PTPRD: variants seen among roughly 807,000 people sequenced by gnomAD.
PTPRD encodes receptor-type tyrosine-protein phosphatase delta.
PTPRD carries 34 observed loss-of-function variants against 214.5 expected under a neutral mutation model. The ratio of observed to expected loss-of-function variants is 0.16; its 90% CI spans 0.12 to 0.21. The LOEUF (loss-of-function observed/expected upper bound fraction) is 0.21, where lower values mean the gene tolerates loss of function less well. Ranked by LOEUF, PTPRD falls within the 10% of genes least tolerant of loss-of-function variation. The probability of loss-of-function intolerance (pLI) is 1.00; values close to 1 mark genes in which losing one functional copy is unlikely to be tolerated. For missense variants in PTPRD, 2,545 were observed against 2,398.7 expected (o/e 1.06, Z -1.27); for synonymous variants, 1,128 against 845.7 (o/e 1.33, Z -5.79).
intron 3 of PTPRD, among the ~76,000 whole-genome samples, chr9:10,291,652 A>C (rs1183696131): frequency 6.6e-6 from 1 of 152,028 alleles, no homozygotes; most frequent in Non-Finnish European, 1.5e-5. Context: ...ACAGAAAAGG[A>C]ACCAAATTCT....
intron 8 of PTPRD, among the ~76,000 whole-genome samples, chr9:9,426,431 C>A (rs1205271284): frequency 6.6e-6 from 1 of 152,152 alleles, no homozygotes; most frequent in Non-Finnish European, 1.5e-5. Context: ...GGGTGGAGCC[C>A]ACCGCAGCTC....
At position 9,020,506 on chromosome 9, in the gene PTPRD, T is replaced by G. The variant is rs1358711811; in HGVS notation, c.-142-1771A>C. Among the ~76,000 whole-genome samples, 6 of 152,144 alleles carry G rather than the reference T, an allele frequency of 3.9e-5. No homozygotes were observed. In the East Asian group the frequency reaches 7.7e-4, roughly 20 times the overall value. On this transcript the variant is annotated intron_variant, in intron 10 of 45. Transcript: ENST00000381196. Reference sequence around the variant, plus strand: ...AGAAAAGGCTGGTTGAGGCATTGAATGTGAAGGTAAGACAAAATAAGGAAC... The same window carrying G: ...AGAAAAGGCTGGTTGAGGCATTGAAGGTGAAGGTAAGACAAAATAAGGAAC...
chr9:8,736,309 G>C (rs751956509), intron 11 of PTPRD, among the ~76,000 whole-genome samples: 27 of 152,118 alleles, frequency 1.8e-4, no homozygotes, highest in Admixed American at 5.2e-4. Flanking sequence ...CACTCTTAAT[G>C]AAAAATTTAA....
intron 11 of PTPRD, among the ~76,000 whole-genome samples, chr9:8,934,480 T>TATATATAA (rs2098980125): frequency 1.2e-4 from 1 of 8,068 alleles, no homozygotes; most frequent in African/African-American, 3.8e-4. Context: ...TATATATAAA[T>TATATATAA]ATATATATAT....
At chr9:9,368,444 G>C (rs2058491138) in intron 9 of PTPRD, among the ~76,000 whole-genome samples, 1 of 151,864 alleles carries the variant, frequency 6.6e-6, no homozygotes, top group African/African-American at 2.4e-5. Context: ...CACTCTGAGA[G>C]ATGTAACATA....
rs183141581 is a variant in PTPRD, at chr9:8,329,653, G to T, written c.5534+1929C>A. The stretch of plus-strand genomic sequence containing the variant: ...GCCAGGTGCTTTGTCCCAGTGAGAT[G>T]GGGGTTTTATCTGTAAGTAAGTCTG... On this transcript the variant is annotated intron_variant, in intron 44 of 45. Coordinates refer to ENST00000381196, the MANE Select transcript of PTPRD (RefSeq NM_002839.4). Among the ~76,000 whole-genome samples the T allele has an allele frequency of 1.5e-4, 23 of 152,228 alleles. No individual in the cohort carries two copies. In the East Asian group the frequency reaches 4.5e-3, roughly 30 times the overall value.
intron 12 of PTPRD, among the ~76,000 whole-genome samples, chr9:8,724,622 T>A (rs2098538033): frequency 6.6e-6 from 1 of 152,180 alleles, no homozygotes; most frequent in South Asian, 2.1e-4. Flanking sequence ...TTATGGAGCC[T>A]TGTCTTACCC....
chr9:9,777,897 G>A (rs998380000), intron 5 of PTPRD, among the ~76,000 whole-genome samples: 5 of 152,070 alleles, frequency 3.3e-5, no homozygotes, highest in Admixed American at 1.3e-4. Context: ...CCCCAAATGG[G>A]TTTATACATG....
intron 2 of PTPRD, among the ~76,000 whole-genome samples, chr9:10,344,206 T>C (rs1336598016): frequency 6.6e-6 from 1 of 151,928 alleles, no homozygotes; most frequent in African/African-American, 2.4e-5. Flanking sequence ...AATTTTTGTA[T>C]AAGGTGTAAG....
At position 8,934,496 on chromosome 9, in the gene PTPRD, T is replaced by A. The variant is rs867632163; in HGVS notation, c.-104+84201A>T. ...ATATATAAATATATATATATATAAA[T>A]ATATATATAAATATATATATATAAA... On this transcript the variant is annotated intron_variant, in intron 11 of 45. Coordinates refer to ENST00000381196, the MANE Select transcript of PTPRD (RefSeq NM_002839.4). 3.5e-4 allele frequency among the ~76,000 whole-genome samples: 11 copies of A among 31,738 alleles called. 2 individuals carry two copies. Among genetic ancestry groups the A allele is most frequent in the Non-Finnish European group, 5.9e-4 (11 of 18,684 alleles). The allele number at this position is 31,738 out of a possible 152,430, so 20.8% of individuals were successfully genotyped here.
intron 10 of PTPRD, among the ~76,000 whole-genome samples, chr9:9,111,488 C>T (rs773143480): frequency 1.3e-5 from 2 of 152,080 alleles, no homozygotes; most frequent in African/African-American, 4.8e-5. Context: ...ACACCACTTT[C>T]GAGCACCCCA....
chr9:8,502,360 G>A (rs1235048576), intron 23 of PTPRD, among the ~76,000 whole-genome samples: 4 of 152,062 alleles, frequency 2.6e-5, no homozygotes, highest in Admixed American at 2.6e-4. Flanking sequence ...GTAGTCTGGG[G>A]ATTTCCCTAG....
At chr9:9,601,099 A>G (rs937673388) in intron 7 of PTPRD, among the ~76,000 whole-genome samples, 4 of 138,866 alleles carry the variant, frequency 2.9e-5, no homozygotes, top group Admixed American at 2.2e-4. Context: ...CACTGGGAAA[A>G]GAGATTAATA....
intron 2 of PTPRD, among the ~76,000 whole-genome samples, chr9:10,516,888 C>T (rs10115302): frequency 0.24 from 37,096 of 151,628 alleles, 4,810 homozygotes; most frequent in East Asian, 0.44. Context: ...ACCAATCATG[C>T]GTGCTTTCAC....
intron 2 of PTPRD, among the ~76,000 whole-genome samples, chr9:10,611,591 G>A (rs1297111679): frequency 6.6e-6 from 1 of 152,152 alleles, no homozygotes; most frequent in Non-Finnish European, 1.5e-5. Context: ...ACATGGTGAT[G>A]TTAGCCCCAA....
chr9:8,392,198 A>G (rs1460991973), intron 36 of PTPRD, among the ~76,000 whole-genome samples: 1 of 152,094 alleles, frequency 6.6e-6, no homozygotes, highest in Non-Finnish European at 1.5e-5. Flanking sequence ...AGTCTGAGCA[A>G]CATGGTGAGA....
intron 11 of PTPRD, among the ~76,000 whole-genome samples, chr9:8,801,285 T>C (rs60232902): frequency 6.6e-6 from 1 of 152,322 alleles, no homozygotes; most frequent in East Asian, 1.9e-4. Context: ...CTTCCCTTTG[T>C]CTCATATTGA....
chr9:9,634,582 A>T (rs2095695681), intron 7 of PTPRD, among the ~76,000 whole-genome samples: 1 of 152,192 alleles, frequency 6.6e-6, no homozygotes, highest in Non-Finnish European at 1.5e-5. Context: ...TATCTTTACC[A>T]GGTAAAATTC....
intron 9 of PTPRD, among the ~76,000 whole-genome samples, chr9:9,206,481 A>G (rs1569562177): frequency 6.6e-6 from 1 of 152,296 alleles, no homozygotes; most frequent in East Asian, 1.9e-4. Flanking sequence ...TGAAGGATGC[A>G]AAGTATTGTT....
Sources: allele counts gnomAD v4.1 joint callset (sites outside exome capture counted in the v4.1 genomes callset), GRCh38; gene constraint gnomAD v4.1.1; transcripts MANE v1.5; gene names NCBI Gene and HGNC (gene_info 2026-07-23, HGNC 2026-07-21).